Variants in MARCHF3 observed in about 807,000 individuals in gnomAD.
The protein encoded by MARCHF3 is E3 ubiquitin-protein ligase MARCHF3.
In MARCHF3, 13 loss-of-function variants were observed where a neutral mutation model predicts 24.2. That is an observed-to-expected ratio of 0.54 (90% CI 0.35 to 0.85). The LOEUF is 0.85. MARCHF3 is among the 40% of genes least tolerant of loss of function. The pLI is 0.01. For synonymous variants in MARCHF3, 144 were observed against 137.3 expected, an observed-to-expected ratio of 1.05 and a Z score of -0.34; for missense variants, 276 against 325.0, an observed-to-expected ratio of 0.85 and a Z score of 1.16.
At chr5:126,903,629 G>A (rs1754180295) in intron 3 of MARCHF3, among the ~76,000 whole-genome samples, 1 of 150,338 alleles carries the variant, frequency 6.7e-6, no homozygotes, top group African/African-American at 2.5e-5. Context: ...CCTAAGTCTC[G>A]TGTGTGTATA....
intron 1 of MARCHF3, among the ~76,000 whole-genome samples, chr5:126,993,678 G>A (rs976108909): frequency 5.9e-5 from 9 of 151,900 alleles, no homozygotes; most frequent in Admixed American, 2.6e-4. Context: ...TCATTTTCAG[G>A]CAGGGAAAAA....
In MARCHF3 at chr5:126,875,996, C is replaced by T. The variant is rs556188993; in HGVS notation, c.603+2189G>A. On this transcript the variant is annotated intron_variant, in intron 4 of 4. Transcript: ENST00000308660. ...AAACACAGGGCCCTTGGATTCTAAA[C>T]GCATGCATAGCACTGCCCGTGAGAA... Among the ~76,000 whole-genome samples, 134 of 152,276 alleles carry T rather than the reference C, an allele frequency of 8.8e-4. 1 individual carries two copies. The highest frequency in any genetic ancestry group is 3.1e-3 in the African/African-American group (129 of 41,552).
intron 3 of MARCHF3, among the ~76,000 whole-genome samples, chr5:126,913,272 C>G (rs1032495806): frequency 6.6e-6 from 1 of 152,318 alleles, no homozygotes; most frequent in East Asian, 1.9e-4. Flanking sequence ...AAAAAGATCG[C>G]TGGATAGAGT....
At chr5:126,920,354 C>A (rs1351538467) in intron 1 of MARCHF3, among the ~76,000 whole-genome samples, 1 of 152,152 alleles carries the variant, frequency 6.6e-6, no homozygotes, top group Non-Finnish European at 1.5e-5. Flanking sequence ...CCTGCCCTTA[C>A]AAAACTCCAT....
chr5:126,918,948 AAATACGTTAGCATG>A (rs1482612411), intron 1 of MARCHF3, among the ~76,000 whole-genome samples: 2 of 152,232 alleles, frequency 1.3e-5, no homozygotes, highest in Non-Finnish European at 2.9e-5. Flanking sequence ...ACGTGACAAT[AAATACGTTAGCATG>A]ATGTCTTGTT....
intron 1 of MARCHF3, among the ~76,000 whole-genome samples, chr5:126,991,108 T>C (rs909871366): frequency 5.9e-5 from 9 of 152,204 alleles, no homozygotes; most frequent in African/African-American, 1.7e-4. Context: ...TGTATGTTTA[T>C]TGCGGCACTA....
At chr5:126,992,048 G>A (rs1048331479) in intron 1 of MARCHF3, among the ~76,000 whole-genome samples, 1 of 152,106 alleles carries the variant, frequency 6.6e-6, no homozygotes, top group East Asian at 1.9e-4. Flanking sequence ...AAAAGAGAAC[G>A]GCATCCTGTG....
intron 1 of MARCHF3, among the ~76,000 whole-genome samples, chr5:126,920,483 G>A (rs1580644360): frequency 1.3e-5 from 2 of 152,308 alleles, no homozygotes; most frequent in South Asian, 4.1e-4. Context: ...GGCAGGAAAA[G>A]CAGACACAGT....
rs1195558294 is a variant in MARCHF3 at position 126,878,216 on chromosome 5, G to A, written c.572C>T (p.Ala191Val). 1 of 1,614,144 alleles carries A rather than the reference G, an allele frequency of 6.2e-7. No homozygotes were observed. Reference protein sequence around the residue: ...EAVGLIALTVALFTIYLFWTL... With the variant: ...EAVGLIALTVVLFTIYLFWTL... ...CCAAAAGAGGTAAATAGTGAAGAGT[G>A]CGACAGTGAGTGCAATCAGTCCGAC... Residue 191 changes from alanine to valine, a missense_variant, in exon 4 of 5, where the codon GCA becomes GTA. By Grantham distance (64) the Ala-to-Val change is moderately conservative. Coordinates refer to ENST00000308660, the MANE Select transcript of MARCHF3 (RefSeq NM_178450.5).
intron 1 of MARCHF3, among the ~76,000 whole-genome samples, chr5:126,988,506 G>C (rs1181441850): frequency 6.6e-6 from 1 of 152,154 alleles, no homozygotes; most frequent in East Asian, 1.9e-4. Flanking sequence ...GACCACATAA[G>C]AGAAGTTTAA....
intron 1 of MARCHF3, among the ~76,000 whole-genome samples, chr5:126,974,150 G>A (rs1045280838): frequency 6.6e-6 from 1 of 152,106 alleles, no homozygotes; most frequent in Non-Finnish European, 1.5e-5. Flanking sequence ...ACCCGCCTCA[G>A]CCTCCCAAAG....
intron 1 of MARCHF3, among the ~76,000 whole-genome samples, chr5:126,976,128 A>G (rs1751187879): frequency 6.6e-6 from 1 of 152,102 alleles, no homozygotes. Flanking sequence ...TTCTCCTTCT[A>G]TATTCATGCA....
At chr5:127,026,854 T>C (rs75745047) in intron 1 of MARCHF3, among the ~76,000 whole-genome samples, 3,102 of 152,322 alleles carry the variant, frequency 0.02, 77 homozygotes, top group South Asian at 0.12. Context: ...CTGTAAAAGT[T>C]CCAGTGACGA....
At chr5:126,879,280 AAACCAT>A (rs561329046) in intron 3 of MARCHF3, among the ~76,000 whole-genome samples, 2 of 152,196 alleles carry the variant, frequency 1.3e-5, no homozygotes, top group Non-Finnish European at 2.9e-5. Context: ...TTGCTGTAAT[AAACCAT>A]AACCATAAGT....
chr5:126,884,523 T>C (rs564033261), intron 3 of MARCHF3, among the ~76,000 whole-genome samples: 1 of 152,314 alleles, frequency 6.6e-6, no homozygotes, highest in South Asian at 2.1e-4. Flanking sequence ...AACTCAAACT[T>C]AATCTGTCCA....
chr5:126,894,265 T>A (rs1280424465), intron 3 of MARCHF3, among the ~76,000 whole-genome samples: 2 of 145,156 alleles, frequency 1.4e-5, no homozygotes, highest in Non-Finnish European at 3.0e-5. Context: ...CTGTGTCTTT[T>A]AATTGGAGCA....
chr5:126,919,643 G>C (rs1331616142), intron 1 of MARCHF3, among the ~76,000 whole-genome samples: 1 of 152,186 alleles, frequency 6.6e-6, no homozygotes, highest in Non-Finnish European at 1.5e-5. Context: ...TCTCAGGCAA[G>C]AATGCAGTGT....
At chr5:127,009,283 G>A (rs1485170291) in intron 1 of MARCHF3, among the ~76,000 whole-genome samples, 1 of 152,112 alleles carries the variant, frequency 6.6e-6, no homozygotes. Context: ...AAATGTAGGT[G>A]TACAGAATAT....
chr5:126,961,196 G>T (rs1750625533), intron 1 of MARCHF3, among the ~76,000 whole-genome samples: 1 of 152,094 alleles, frequency 6.6e-6, no homozygotes, highest in Non-Finnish European at 1.5e-5. Flanking sequence ...GAGAAATATA[G>T]CAAGCACAAA....
Sources: gnomAD v4.1 joint callset for allele counts (sites outside exome capture counted in the v4.1 genomes callset) on GRCh38, gnomAD v4.1.1 for gene constraint, MANE v1.5 for transcripts, NCBI Gene and HGNC (gene_info 2026-07-23, HGNC 2026-07-21) for gene names.